Variants in LMBR1 observed in about 807,000 individuals in gnomAD.
LMBR1 encodes limb region 1 protein homolog.
Under a neutral mutation model 73.9 loss-of-function variants are expected in LMBR1, and 52 were observed. The ratio of observed to expected loss-of-function variants is 0.70; its 90% confidence interval spans 0.56 to 0.89. The LOEUF (loss-of-function observed/expected upper bound fraction) is 0.89, where lower values mean the gene tolerates loss of function less well. Among genes scored for constraint, LMBR1 ranks in the 40% least tolerant of loss-of-function variants. The pLI is 0.00. For missense variants in LMBR1, 539 were observed against 579.8 expected, an observed-to-expected ratio of 0.93 and a Z score of 0.72; for synonymous variants, 215 against 209.4, an observed-to-expected ratio of 1.03 and a Z score of -0.23.
At chr7:156,757,054 G>A (rs936004281) in intron 8 of LMBR1, among the ~76,000 whole-genome samples, 2 of 152,132 alleles carry the variant, frequency 1.3e-5, no homozygotes, top group Admixed American at 6.5e-5. Flanking sequence ...GACCTCAGGT[G>A]ATCCGCCTGC....
chr7:156,826,835 A>C lies in LMBR1; in HGVS notation c.180-91T>G, dbSNP rs1835789075. ...AAGAATGCAAACTCTTTAATGTTTT[A>C]ATCAAAAAAGCATTATATTAAGAAC... On this transcript the variant is annotated intron_variant, in intron 3 of 16. Transcript: ENST00000353442. The C allele has an allele frequency of 2.4e-5, 29 of 1,214,356 alleles. 2 individuals carry two copies. The South Asian group carries it at 4.4e-4, about 19-fold the overall frequency. 75.2% of individuals were successfully genotyped at this position (1,214,356 alleles called of 1,614,324 possible). A position where few individuals can be genotyped will look rare whatever the true frequency, so the allele number is the denominator to read the frequency against.
intron 1 of LMBR1, among the ~76,000 whole-genome samples, chr7:156,869,308 G>A (rs997355553): frequency 6.6e-6 from 1 of 151,390 alleles, no homozygotes; most frequent in African/African-American, 2.4e-5. Flanking sequence ...TACTACAGAC[G>A]TGAAGAAGAA....
downstream of LMBR1, chr7:156,675,703 A>T: frequency 6.2e-7 from 1 of 1,612,244 alleles, no homozygotes; most frequent in East Asian, 2.2e-5. Flanking sequence ...CAGTTCACAG[A>T]AATCAGCCAC....
intron 5 of LMBR1, among the ~76,000 whole-genome samples, chr7:156,771,578 C>T (rs1825192842): frequency 6.6e-6 from 1 of 152,050 alleles, no homozygotes; most frequent in Non-Finnish European, 1.5e-5. Flanking sequence ...AGTTCTGAAA[C>T]CGAGTCTGTA....
chr7:156,768,321 C>T (rs1262199756), intron 5 of LMBR1, among the ~76,000 whole-genome samples: 1 of 151,674 alleles, frequency 6.6e-6, no homozygotes, highest in Non-Finnish European at 1.5e-5. Context: ...AAGACTGCAC[C>T]ACTACACTCT....
intron 4 of LMBR1, among the ~76,000 whole-genome samples, chr7:156,671,838 A>G (rs1384432671): frequency 1.5e-5 from 2 of 130,652 alleles, no homozygotes; most frequent in Admixed American, 1.5e-4. Flanking sequence ...GGCTAGAAAT[A>G]AATTTTTTTT....
intron 10 of LMBR1, among the ~76,000 whole-genome samples, chr7:156,731,998 A>C (rs891614877): frequency 1.3e-5 from 2 of 151,586 alleles, no homozygotes; most frequent in Non-Finnish European, 2.9e-5. Flanking sequence ...ACAGCAAAAA[A>C]CTAGAAGCAA....
chr7:156,819,910 A>C (rs930971172), intron 4 of LMBR1, among the ~76,000 whole-genome samples: 1 of 152,174 alleles, frequency 6.6e-6, no homozygotes, highest in African/African-American at 2.4e-5. Flanking sequence ...CTGTGGAGTG[A>C]GGGCTATTAT....
At chr7:156,805,215 C>CTT (rs58044015) in intron 4 of LMBR1, among the ~76,000 whole-genome samples, 16,522 of 122,636 alleles carry the variant, frequency 0.13, 1,470 homozygotes, top group East Asian at 0.23. Context: ...ACATCATGCA[C>CTT]TTTTTTTTTT....
At chr7:156,791,742 A>C (rs1829268064) in intron 5 of LMBR1, among the ~76,000 whole-genome samples, 1 of 152,202 alleles carries the variant, frequency 6.6e-6, no homozygotes, top group African/African-American at 2.4e-5. Context: ...ATAGGAGTTA[A>C]CCTCTTAATC....
Position 156,681,819 on chromosome 7 carries a change from C to A in LMBR1, c.*2259G>T, listed in dbSNP as rs1316339954. On this transcript the variant is annotated 3_prime_UTR_variant, in exon 17 of 17. Transcript: ENST00000353442. ...AGTAAAATGAGGACCCCCAGAGCGA[C>A]TGTCCTTACCAGGACTCAGAACGTT... 6.6e-6 allele frequency: 1 copy of A among 152,278 alleles called. No individual in the cohort carries two copies. 9.4% of individuals were successfully genotyped at this position (152,278 alleles called of 1,614,324 possible). A position where few individuals can be genotyped will look rare whatever the true frequency, so the allele number is the denominator to read the frequency against.
chr7:156,699,171 T>C (rs1037211723), intron 15 of LMBR1, among the ~76,000 whole-genome samples: 2 of 150,186 alleles, frequency 1.3e-5, no homozygotes, highest in African/African-American at 4.8e-5. Context: ...AAGGCTACAG[T>C]AACCAAAACA....
Position 156,724,220 on chromosome 7 carries a change from C to G in LMBR1, c.1159-42G>C, listed in dbSNP as rs371302085. 6 of 1,436,058 alleles carry G rather than the reference C, an allele frequency of 4.2e-6. No individual in the cohort carries two copies. In the African/African-American group the frequency reaches 7.1e-5, roughly 17 times the overall value. The allele number at this position is 1,436,058 out of a possible 1,614,324, so 89.0% of individuals were successfully genotyped here. On this transcript the variant is annotated intron_variant, in intron 14 of 16. Transcript: ENST00000353442. Reference sequence around the variant, plus strand: ...GAAAGAATATTGGGCAGTTAAACAGCAGGATGACAATCAAACCCAGTAACA... The same window carrying G: ...GAAAGAATATTGGGCAGTTAAACAGGAGGATGACAATCAAACCCAGTAACA...
Position 156,868,729 on chromosome 7 carries a change from G to A in LMBR1, c.66+24199C>T, listed in dbSNP as rs565398513. ...ACCTGTAATCCCAACACTTTGGGAA[G>A]CCAACGTGGGCAGATAGCTTGAGCC... On this transcript the variant is annotated intron_variant, in intron 1 of 16. Coordinates refer to ENST00000353442, the MANE Select transcript of LMBR1 (RefSeq NM_022458.4). Among the ~76,000 whole-genome samples, 3 of 151,914 alleles carry A rather than the reference G, an allele frequency of 2.0e-5. No individual in the cohort carries two copies. The East Asian group carries it at 5.8e-4, about 30-fold the overall frequency.
At chr7:156,851,096 G>A (rs376868339) in intron 1 of LMBR1, among the ~76,000 whole-genome samples, 1 of 152,114 alleles carries the variant, frequency 6.6e-6, no homozygotes, top group African/African-American at 2.4e-5. Flanking sequence ...AGAAGCAGAT[G>A]CCGGCAATAT....
intron 4 of LMBR1, among the ~76,000 whole-genome samples, chr7:156,824,280 C>T (rs573688306): frequency 6.6e-6 from 1 of 152,236 alleles, no homozygotes; most frequent in Non-Finnish European, 1.5e-5. Context: ...GTTCTTAATA[C>T]ACAGGGCCAC....
chr7:156,850,340 G>C (rs1796067997), intron 1 of LMBR1, among the ~76,000 whole-genome samples: 1 of 152,086 alleles, frequency 6.6e-6, no homozygotes, highest in Non-Finnish European at 1.5e-5. Flanking sequence ...ATAAATTTCT[G>C]TTCATTATAT....
chr7:156,788,626 GA>G (rs11424069), intron 5 of LMBR1, among the ~76,000 whole-genome samples: 20 of 147,504 alleles, frequency 1.4e-4, no homozygotes, highest in South Asian at 2.1e-4. Flanking sequence ...TTGTTTTAAA[GA>G]AAAAAAAAAT....
chr7:156,756,684 T>C (rs574392163), intron 8 of LMBR1, among the ~76,000 whole-genome samples: 1 of 152,300 alleles, frequency 6.6e-6, no homozygotes, highest in South Asian at 2.1e-4. Context: ...CCTATATACA[T>C]TTAAATTGGA....
Sources: allele counts gnomAD v4.1 joint callset (sites outside exome capture counted in the v4.1 genomes callset), GRCh38; gene constraint gnomAD v4.1.1; transcripts MANE v1.5; gene names NCBI Gene and HGNC (gene_info 2026-07-23, HGNC 2026-07-21).